The following CIB2 variants were observed in gnomAD, a reference collection of about 807,000 sequenced individuals.
The protein encoded by CIB2 is calcium and integrin binding family member 2.
CIB2 carries 19 observed loss-of-function variants against 23.1 expected under a neutral mutation model. That is an observed-to-expected ratio of 0.82 (90% CI 0.57 to 1.21). The LOEUF (loss-of-function observed/expected upper bound fraction) is 1.21. Among genes scored for constraint, CIB2 ranks in the 50% most tolerant of loss-of-function variants. The pLI is 0.00. For missense variants in CIB2, 220 were observed against 241.5 expected (o/e 0.91, Z 0.59); for synonymous variants, 94 against 91.7 (o/e 1.03, Z -0.14).
At chr15:78,117,614 C>T (rs116885518) in intron 2 of CIB2, among the ~76,000 whole-genome samples, 2 of 152,230 alleles carry the variant, frequency 1.3e-5, no homozygotes, top group East Asian at 1.9e-4. Context: ...ATTTTGCTGC[C>T]ACCATATACA....
chr15:78,123,557 G>A (rs1057182084), intron 2 of CIB2, 148 bp downstream of exon 2: 32 of 789,010 alleles, frequency 4.1e-5, no homozygotes, highest in Admixed American at 1.9e-4. Flanking sequence ...TCCTAGCCCA[G>A]TGGCCGAGTG....
At chr15:78,129,250 A>C (rs1567061020) in intron 1 of CIB2, among the ~76,000 whole-genome samples, 1 of 152,040 alleles carries the variant, frequency 6.6e-6, no homozygotes, top group South Asian at 2.1e-4. Flanking sequence ...AGAGGGTAGG[A>C]GATGTGGGGC....
chr15:78,105,089 G>A lies in CIB2; in HGVS notation c.*222C>T. ...TGCGGAGGGCCTGGAGAGAGGCCAT[G>A]GGTCCCGGGGCTGGACCACAGCGGG... On this transcript the variant is annotated 3_prime_UTR_variant, in exon 6 of 6. Transcript: ENST00000258930. The A allele has an allele frequency of 3.4e-6, 2 of 592,702 alleles. No individual in the cohort carries two copies. Among genetic ancestry groups the A allele is most frequent in the Non-Finnish European group, 5.9e-6 (2 of 341,818 alleles). The allele number at this position is 592,702 out of a possible 1,614,324, so 36.7% of individuals were successfully genotyped here.
chr15:78,111,202 A>G lies in CIB2; in HGVS notation c.161T>C (p.Val54Ala). 1 of 1,614,188 alleles carries G rather than the reference A, an allele frequency of 6.2e-7. No individual in the cohort carries two copies. Among genetic ancestry groups the G allele is most frequent in the Non-Finnish European group, 8.5e-7 (1 of 1,180,026 alleles). ...CATCTGGATGATGAGGCTCATGGGC[A>G]CGTGGACGATGGGGCTCTTCCTGTA... ...MDYRKSPIVH[V>A]PMSLIIQMPE... Residue 54 changes from valine to alanine, a missense_variant, in exon 3 of 6, where the codon GTG (valine) becomes GCG (alanine). Transcript: ENST00000258930.
At chr15:78,117,847 G>A (rs1158362048) in intron 2 of CIB2, among the ~76,000 whole-genome samples, 1 of 152,176 alleles carries the variant, frequency 6.6e-6, no homozygotes. Flanking sequence ...ATGATCTGGG[G>A]TCAGAAGACA....
At chr15:78,117,246 CAAAAAAAAA>C (rs60332437) in intron 2 of CIB2, among the ~76,000 whole-genome samples, 23 of 55,480 alleles carry the variant, frequency 4.1e-4, no homozygotes, top group African/African-American at 1.3e-3. Flanking sequence ...AAGCTACTGG[CAAAAAAAAA>C]AAAAAAAAAA....
In CIB2 at chr15:78,105,043, G is replaced by C. The variant is rs1010517013; in HGVS notation, c.*268C>G. The C allele has an allele frequency of 1.0e-5, 5 of 502,002 alleles. No homozygotes were observed. Among genetic ancestry groups the C allele is most frequent in the Non-Finnish European group, 1.8e-5 (5 of 275,836 alleles). The allele number at this position is 502,002 out of a possible 1,614,324, so 31.1% of individuals were successfully genotyped here. A position where few individuals can be genotyped will look rare whatever the true frequency, so the allele number is the denominator to read the frequency against. On this transcript the variant is annotated 3_prime_UTR_variant, in exon 6 of 6. Transcript: ENST00000258930. ...TGGGGAGCATTTCTGGAGTAGGAAA[G>C]GACTGGGGCATGGGGCGGGGTGCGG...
chr15:78,115,882 A>G (rs1327627698), intron 2 of CIB2, among the ~76,000 whole-genome samples: 1 of 151,832 alleles, frequency 6.6e-6, no homozygotes, highest in Non-Finnish European at 1.5e-5. Flanking sequence ...TCAATGTGGG[A>G]TGCCTATAAT....
intron 3 of CIB2, chr15:78,110,745 A>C (rs2074146070): frequency 2.2e-6 from 1 of 456,642 alleles, no homozygotes; most frequent in South Asian, 1.5e-5. Flanking sequence ...TGGGGAGTTT[A>C]AAATTAAATT....
At position 78,105,771 on chromosome 15, in the gene CIB2, C is replaced by T. The variant is rs2074059257; in HGVS notation, c.510G>A (p.Glu170=). The part of the protein sequence containing the change: ...GDGKLGFADF[E]DMIAKAPDFL... ...AGTCAGGGGCCTTGGCAATCATGTCCTCGAAGTCAGCAAAGCCCAGCTTGC... is the reference window on the plus strand; with the variant it reads ...AGTCAGGGGCCTTGGCAATCATGTCTTCGAAGTCAGCAAAGCCCAGCTTGC... The change falls in exon 5 of 6, where the codon GAG becomes GAA. Residue 170 remains glutamate (E), a synonymous_variant. Coordinates refer to ENST00000258930, the MANE Select transcript of CIB2 (RefSeq NM_006383.4). The T allele has an allele frequency of 6.2e-7, 1 of 1,614,094 alleles. No individual in the cohort carries two copies. Among genetic ancestry groups the T allele is most frequent in the Non-Finnish European group, 8.5e-7 (1 of 1,180,046 alleles).
rs760941710 is a variant in CIB2 at position 78,109,437 on chromosome 15, C to T, written c.199-55G>A. The T allele has an allele frequency of 3.5e-5, 56 of 1,606,718 alleles. No homozygotes were observed. The Admixed American group carries it at 4.0e-4, about 11-fold the overall frequency. ...GGGTGCAGGATAAGCAGGAGGGCCC[C>T]GGAGCCAGACTGTGGACAGCCTGTG... On this transcript the variant is annotated intron_variant, in intron 3 of 5. Transcript: ENST00000258930.
intron 5 of CIB2, 145 bp downstream of exon 5, chr15:78,105,594 T>C: frequency 6.6e-7 from 1 of 1,522,180 alleles, no homozygotes; most frequent in Non-Finnish European, 8.8e-7. Flanking sequence ...GTCACACGTC[T>C]AGGGCAAGGG....
intron 2 of CIB2, among the ~76,000 whole-genome samples, chr15:78,117,391 C>G (rs749705880): frequency 1.3e-5 from 2 of 150,294 alleles, no homozygotes; most frequent in African/African-American, 2.5e-5. Context: ...ATAATAAGGA[C>G]AATGTATGAA....
chr15:78,120,782 A>G (rs890593481), intron 2 of CIB2: 1 of 975,804 alleles, frequency 1.0e-6, no homozygotes, highest in Non-Finnish European at 1.2e-6. Flanking sequence ...CTCCTGCTCA[A>G]GTTTCCTCCT....
At chr15:78,107,218 G>A (rs1396554707) in intron 4 of CIB2, among the ~76,000 whole-genome samples, 1 of 152,100 alleles carries the variant, frequency 6.6e-6, no homozygotes, top group Non-Finnish European at 1.5e-5. Flanking sequence ...CTCGTTGACA[G>A]AGCGAGACTC....
rs776069290 is a variant in CIB2, at chr15:78,109,219, C to G, written c.346+16G>C. On this transcript the variant is annotated intron_variant, in intron 4 of 5. Transcript: ENST00000258930. Reference sequence around the variant, plus strand: ...CCCCACCGCATATTCAGGCCCCCTCCTCTAGCCCTGGTTACCATAGATCTT... The same window carrying G: ...CCCCACCGCATATTCAGGCCCCCTCGTCTAGCCCTGGTTACCATAGATCTT... 1.4e-5 allele frequency: 19 copies of G among 1,313,828 alleles called. No individual in the cohort carries two copies. In the Admixed American group the frequency reaches 3.5e-4, roughly 24 times the overall value. 81.4% of individuals were successfully genotyped at this position (1,313,828 alleles called of 1,614,324 possible).
chr15:78,130,859 C>T (rs1016536697), intron 1 of CIB2, among the ~76,000 whole-genome samples: 2 of 152,154 alleles, frequency 1.3e-5, no homozygotes, highest in African/African-American at 4.8e-5. Context: ...ACTCCCTCTC[C>T]GGGCCAGATG....
At chr15:78,118,949 A>G (rs2074279820) in intron 2 of CIB2, among the ~76,000 whole-genome samples, 1 of 152,018 alleles carries the variant, frequency 6.6e-6, no homozygotes, top group Non-Finnish European at 1.5e-5. Context: ...GGGAGGCAGA[A>G]GCGGGTGGAT....
chr15:78,104,952 A>C lies in CIB2; in HGVS notation c.*359T>G. ...GTCCTGGGTGACCAGGGTGTCTGCC[A>C]GCACTTGGACACGTCAGACCCCACC... On this transcript the variant is annotated 3_prime_UTR_variant, in exon 6 of 6. Coordinates refer to ENST00000258930, the MANE Select transcript of CIB2 (RefSeq NM_006383.4). This position sits in a 1 kb window ranked among gnomAD's most constrained non-coding sequence, Gnocchi z 4.4. The C allele has an allele frequency of 3.7e-6, 1 of 267,852 alleles. No individual in the cohort carries two copies. Among genetic ancestry groups the C allele is most frequent in the Non-Finnish European group, 7.3e-6 (1 of 136,760 alleles). The allele number at this position is 267,852 out of a possible 1,614,324, so 16.6% of individuals were successfully genotyped here.
Sources: allele counts gnomAD v4.1 joint callset (sites outside exome capture counted in the v4.1 genomes callset), GRCh38; gene constraint gnomAD v4.1.1; non-coding constraint Gnocchi (gnomAD v3.1); transcripts MANE v1.5; gene names NCBI Gene and HGNC (gene_info 2026-07-23, HGNC 2026-07-21).